TNNI3K: variants seen among roughly 807,000 people sequenced by gnomAD.
The protein encoded by TNNI3K is TNNI3 interacting kinase, also known as serine/threonine-protein kinase TNNI3K.
TNNI3K carries 140 observed loss-of-function variants against 114.5 expected under a neutral mutation model. The observed-to-expected ratio is 1.22, with a 90% CI of 1.07 to 1.41. TNNI3K has a LOEUF of 1.41. TNNI3K is among the 40% of genes most tolerant of loss of function. The pLI is 0.00. For synonymous variants in TNNI3K, 347 were observed against 347.5 expected (o/e 1.00, Z 0.02); for missense variants, 1,125 against 1,007.6 (o/e 1.12, Z -1.58).
intron 4 of TNNI3K, among the ~76,000 whole-genome samples, chr1:74,263,897 G>A (rs1655816248): frequency 6.6e-6 from 1 of 151,894 alleles, no homozygotes; most frequent in Non-Finnish European, 1.5e-5. Flanking sequence ...TATTCATTAT[G>A]CCTTTTCAAG....
chr1:74,507,599 G>A (rs1669972449), intron 23 of TNNI3K, among the ~76,000 whole-genome samples: 1 of 152,046 alleles, frequency 6.6e-6, no homozygotes, highest in Non-Finnish European at 1.5e-5. Flanking sequence ...AAATCTTTCT[G>A]GCCCCAAAGT....
intron 23 of TNNI3K, among the ~76,000 whole-genome samples, chr1:74,533,049 G>T (rs1319499875): frequency 6.6e-6 from 1 of 152,130 alleles, no homozygotes; most frequent in African/African-American, 2.4e-5. Context: ...GGCAACAAAA[G>T]CCAAAATTGA....
At chr1:74,365,075 TG>T (rs1570526760) in intron 11 of TNNI3K, among the ~76,000 whole-genome samples, 1 of 151,996 alleles carries the variant, frequency 6.6e-6, no homozygotes, top group East Asian at 1.9e-4. Flanking sequence ...CTACAATTCT[TG>T]GGGCAAAAAG....
intron 7 of TNNI3K, chr1:74,341,586 G>A (rs1194924353): frequency 6.7e-6 from 1 of 148,252 alleles, no homozygotes; most frequent in African/African-American, 2.5e-5. Context: ...TTACTTTCAA[G>A]TATTAGAAAC....
At chr1:74,532,044 A>G (rs1646593152) in intron 23 of TNNI3K, among the ~76,000 whole-genome samples, 1 of 152,204 alleles carries the variant, frequency 6.6e-6, no homozygotes, top group Non-Finnish European at 1.5e-5. Flanking sequence ...GAAGTCTTTA[A>G]TCACACTGAT....
At chr1:74,335,932 T>A in intron 6 of TNNI3K, 79 bp from the exon 7 acceptor site, 2 of 1,460,154 alleles carry the variant, frequency 1.4e-6, no homozygotes, top group Non-Finnish European at 1.8e-6. Context: ...TTTAAGCCAG[T>A]TGTGTTCTTG....
chr1:74,244,603 G>T (rs1048135658), intron 2 of TNNI3K, among the ~76,000 whole-genome samples: 3 of 149,450 alleles, frequency 2.0e-5, no homozygotes, highest in Admixed American at 6.8e-5. Context: ...ATATCAGGAC[G>T]AACACAGCAG....
chr1:74,353,103 C>G (rs959590500), intron 9 of TNNI3K, among the ~76,000 whole-genome samples, 163 bp from the exon 10 acceptor site: 4 of 152,144 alleles, frequency 2.6e-5, no homozygotes, highest in African/African-American at 9.7e-5. Flanking sequence ...CTCCACCCCT[C>G]TTAAGTACCT....
At chr1:74,458,420 G>C (rs1056013472) in intron 20 of TNNI3K, among the ~76,000 whole-genome samples, 2 of 152,002 alleles carry the variant, frequency 1.3e-5, no homozygotes, top group African/African-American at 4.8e-5. Context: ...CCTTGGTAAA[G>C]GTACTTCTTA....
intron 17 of TNNI3K, among the ~76,000 whole-genome samples, chr1:74,427,136 A>G (rs1461997564): frequency 7.2e-5 from 11 of 151,984 alleles, no homozygotes; most frequent in Non-Finnish European, 2.9e-5. Context: ...GTTCTGGAAG[A>G]CTTGTGTTTG....
At chr1:74,475,348 T>G (rs749810144) in intron 21 of TNNI3K, 17 of 713,950 alleles carry the variant, frequency 2.4e-5, no homozygotes, top group African/African-American at 2.1e-4. Flanking sequence ...TTCTCCAGGC[T>G]CAAGATTCCA....
At chr1:74,514,639 AAG>A (rs1646322148) in intron 23 of TNNI3K, among the ~76,000 whole-genome samples, 1 of 152,158 alleles carries the variant, frequency 6.6e-6, no homozygotes, top group Admixed American at 6.5e-5. Flanking sequence ...CTGAGATAGT[AAG>A]GGGGGAAGCT....
At chr1:74,390,074 AG>A (rs1385625236) in intron 17 of TNNI3K, among the ~76,000 whole-genome samples, 1 of 152,192 alleles carries the variant, frequency 6.6e-6, no homozygotes, top group Non-Finnish European at 1.5e-5. Flanking sequence ...CAAAAATAAA[AG>A]GTCTCATTAT....
intron 20 of TNNI3K, among the ~76,000 whole-genome samples, chr1:74,451,689 T>TCTATCTA (rs1557575063): frequency 7.7e-5 from 5 of 65,340 alleles, no homozygotes; most frequent in African/African-American, 2.9e-4. Flanking sequence ...TTTCTTTTCT[T>TCTATCTA]TCTTTCTTTC....
At chr1:74,527,807 G>A (rs1373432682) in intron 23 of TNNI3K, among the ~76,000 whole-genome samples, 8 of 152,190 alleles carry the variant, frequency 5.3e-5, no homozygotes, top group Non-Finnish European at 1.2e-4. Context: ...ATTGGACAGG[G>A]CTGAGTAAGG....
At chr1:74,291,282 C>T (rs1349927166) in intron 5 of TNNI3K, among the ~76,000 whole-genome samples, 1 of 151,332 alleles carries the variant, frequency 6.6e-6, no homozygotes, top group Non-Finnish European at 1.5e-5. Flanking sequence ...TTTTTCTGTT[C>T]TTGAACTTTA....
At position 74,544,185 on chromosome 1, in the gene TNNI3K, A is replaced by G. The variant is rs1384279207; in HGVS notation, c.*203A>G. The stretch of plus-strand genomic sequence containing the variant: ...AGGAATAATATGCAAAAGAACCAAG[A>G]CAGAATGTATATGAAGAATTGTTTT... On this transcript the variant is annotated 3_prime_UTR_variant, in exon 25 of 25. Coordinates refer to ENST00000326637, the MANE Select transcript of TNNI3K (RefSeq NM_015978.3). The G allele has an allele frequency of 1.9e-6, 1 of 528,668 alleles. No individual in the cohort carries two copies. Among genetic ancestry groups the G allele is most frequent in the Admixed American group, 4.1e-5 (1 of 24,150 alleles). 32.7% of individuals were successfully genotyped at this position (528,668 alleles called of 1,614,324 possible). A position where few individuals can be genotyped will look rare whatever the true frequency, so the allele number is the denominator to read the frequency against.
At chr1:74,417,007 T>C (rs1665148973) in intron 17 of TNNI3K, among the ~76,000 whole-genome samples, 2 of 152,080 alleles carry the variant, frequency 1.3e-5, no homozygotes, top group African/African-American at 4.8e-5. Context: ...TGGCTATCTA[T>C]GGTCATCTCC....
intron 10 of TNNI3K, 70 bp downstream of exon 10, chr1:74,353,430 G>A (rs949997771): frequency 1.9e-6 from 3 of 1,551,678 alleles, no homozygotes; most frequent in Non-Finnish European, 2.6e-6. Context: ...GTATGCAAAG[G>A]GATGTGGGGG....
Sources: allele counts gnomAD v4.1 joint callset (sites outside exome capture counted in the v4.1 genomes callset), GRCh38; gene constraint gnomAD v4.1.1; transcripts MANE v1.5; gene names NCBI Gene and HGNC (gene_info 2026-07-23, HGNC 2026-07-21).